The following NUP98 variants were observed in gnomAD, a reference collection of about 807,000 sequenced individuals.
The protein encoded by NUP98 is nuclear pore complex protein Nup98-Nup96.
NUP98 carries 26 observed loss-of-function variants against 191.9 expected under a neutral mutation model. The observed-to-expected ratio is 0.14, with a 90% CI of 0.10 to 0.19. NUP98 has a LOEUF of 0.19. Ranked by LOEUF, NUP98 falls within the 10% of genes least tolerant of loss-of-function variation. The pLI is 1.00. For synonymous variants in NUP98, 808 were observed against 778.4 expected (o/e 1.04, Z -0.63); for missense variants, 1,941 against 2,178.8 (o/e 0.89, Z 2.17).
chr11:3,781,352 T>C (rs1016354764), intron 2 of NUP98: 2 of 152,016 alleles, frequency 1.3e-5, no homozygotes, highest in Non-Finnish European at 2.9e-5. Flanking sequence ...GAGTTCATTA[T>C]ACCATTCTTT....
chr11:3,754,918 G>A (rs1442501618), intron 10 of NUP98, among the ~76,000 whole-genome samples: 1 of 120,630 alleles, frequency 8.3e-6, no homozygotes, highest in African/African-American at 3.2e-5. Flanking sequence ...CTCCAGCCTA[G>A]ACGACATAGC....
At chr11:3,694,575 C>T (rs1191243247) in intron 26 of NUP98, among the ~76,000 whole-genome samples, 1 of 151,172 alleles carries the variant, frequency 6.6e-6, no homozygotes, top group African/African-American at 2.4e-5. Flanking sequence ...CCTGTCTCTA[C>T]TTAAAATACA....
chr11:3,783,724 G>A (rs1214718547), intron 1 of NUP98, among the ~76,000 whole-genome samples: 1 of 151,278 alleles, frequency 6.6e-6, no homozygotes, highest in African/African-American at 2.4e-5. Context: ...AAACAAAAAC[G>A]CTCACCTCAC....
intron 20 of NUP98, chr11:3,711,967 C>T (rs1564831355): frequency 3.8e-6 from 4 of 1,043,266 alleles, no homozygotes; most frequent in South Asian, 4.6e-5. Context: ...AAAGAAATCC[C>T]GTATCAATGA....
At chr11:3,791,021 G>C (rs896630403) in intron 1 of NUP98, among the ~76,000 whole-genome samples, 14 of 151,542 alleles carry the variant, frequency 9.2e-5, no homozygotes, top group Non-Finnish European at 1.6e-4. Flanking sequence ...TCAGCCTTCC[G>C]AGTAACTGGG....
intron 1 of NUP98, among the ~76,000 whole-genome samples, chr11:3,796,740 C>T (rs1242184861): frequency 6.6e-6 from 1 of 152,190 alleles, no homozygotes; most frequent in Non-Finnish European, 1.5e-5. Flanking sequence ...TTACTCCGGG[C>T]CTCGGTTTCC....
chr11:3,780,264 C>T (rs1193982682), intron 2 of NUP98, among the ~76,000 whole-genome samples: 2 of 151,520 alleles, frequency 1.3e-5, no homozygotes, highest in African/African-American at 4.9e-5. Context: ...AAGTTACAGG[C>T]TCACGCCTGT....
chr11:3,763,650 G>A (rs1195067731), intron 8 of NUP98, among the ~76,000 whole-genome samples: 1 of 152,120 alleles, frequency 6.6e-6, no homozygotes, highest in Non-Finnish European at 1.5e-5. Flanking sequence ...CTCTGTTCAA[G>A]TGATTCTCTC....
At position 3,744,541 on chromosome 11, in the gene NUP98, G is replaced by C. The variant is rs1402195658; in HGVS notation, c.1376C>G (p.Thr459Ser). The C allele has an allele frequency of 1.2e-6, 2 of 1,613,704 alleles. No individual in the cohort carries two copies. The highest frequency in any genetic ancestry group is 1.3e-5 in the African/African-American group (1 of 75,036). ...GGCCTGGGGGGCTCCAAAGCCCAAA[G>C]TGGCTGTCGTAGTATTAAATCCAGG... ...GAPGFNTTTA[T>S]LGFGAPQAPV... Residue 459 changes from threonine (T) to serine (S), a missense_variant, in exon 12 of 33, where the codon ACT (threonine) becomes AGT (serine). Thr to Ser is a moderately conservative substitution (Grantham distance 58). Coordinates refer to ENST00000324932, the MANE Select transcript of NUP98 (RefSeq NM_016320.5).
chr11:3,791,246 G>T (rs1457362205), intron 1 of NUP98, among the ~76,000 whole-genome samples: 1 of 151,872 alleles, frequency 6.6e-6, no homozygotes, highest in African/African-American at 2.4e-5. Context: ...TTAAGATTTG[G>T]TACTGGCTGG....
chr11:3,777,315 G>C (rs1184876345), intron 4 of NUP98, among the ~76,000 whole-genome samples: 1 of 152,094 alleles, frequency 6.6e-6, no homozygotes, highest in Non-Finnish European at 1.5e-5. Context: ...CTGAAAGTAT[G>C]AGAGACACTA....
chr11:3,692,334 A>C (rs552400548), intron 27 of NUP98, among the ~76,000 whole-genome samples: 74 of 151,178 alleles, frequency 4.9e-4, no homozygotes, highest in Admixed American at 1.1e-3. Flanking sequence ...AAAAAAAAAA[A>C]CAAAAAAAAA....
intron 11 of NUP98, among the ~76,000 whole-genome samples, chr11:3,750,636 T>A (rs1342088697): frequency 6.6e-6 from 1 of 151,076 alleles, no homozygotes; most frequent in Non-Finnish European, 1.5e-5. Context: ...TTTTTTTTGT[T>A]TTTTGTTTTA....
chr11:3,729,657 G>A (rs1351052659), intron 14 of NUP98, among the ~76,000 whole-genome samples: 2 of 139,034 alleles, frequency 1.4e-5, no homozygotes, highest in Non-Finnish European at 3.1e-5. Context: ...CGAAGGTGCA[G>A]TGATGTATGA....
Position 3,705,365 on chromosome 11 carries a change from G to T in NUP98, c.2926-9C>A. The T allele has an allele frequency of 6.2e-7, 1 of 1,613,472 alleles. No homozygotes were observed. Among genetic ancestry groups the T allele is most frequent in the Non-Finnish European group, 8.5e-7 (1 of 1,179,634 alleles). ...AATGATGCTTTCATGATCTAAAAAG[G>T]CAATATCTATAGAATGAATGTGCTT... On this transcript the variant is annotated splice_polypyrimidine_tract_variant and intron_variant, in intron 21 of 32. Coordinates refer to ENST00000324932, the MANE Select transcript of NUP98 (RefSeq NM_016320.5).
At chr11:3,741,274 G>A (rs748476799) in intron 12 of NUP98, among the ~76,000 whole-genome samples, 1 of 151,864 alleles carries the variant, frequency 6.6e-6, no homozygotes, top group Non-Finnish European at 1.5e-5. Context: ...TAAGAAACAG[G>A]TGTTGTGGTT....
chr11:3,683,971 G>A (rs2078058800), intron 29 of NUP98, among the ~76,000 whole-genome samples: 2 of 149,248 alleles, frequency 1.3e-5, no homozygotes, highest in African/African-American at 4.9e-5. Flanking sequence ...ACTTTGGGAG[G>A]TCAAGGTGGG....
intron 15 of NUP98, among the ~76,000 whole-genome samples, chr11:3,723,842 T>C (rs1456348914): frequency 6.6e-6 from 1 of 150,510 alleles, no homozygotes; most frequent in East Asian, 1.9e-4. Context: ...TTTTTTTTTT[T>C]CTTTTTCGTG....
chr11:3,685,180 T>C (rs1489036533), intron 29 of NUP98, among the ~76,000 whole-genome samples: 2 of 149,108 alleles, frequency 1.3e-5, no homozygotes. Context: ...GTGTAATTAC[T>C]GAAATACCAT....
Sources: gnomAD v4.1 joint callset for allele counts (sites outside exome capture counted in the v4.1 genomes callset) on GRCh38, gnomAD v4.1.1 for gene constraint, MANE v1.5 for transcripts, NCBI Gene and HGNC (gene_info 2026-07-23, HGNC 2026-07-21) for gene names.